VTA1: variants seen among roughly 807,000 people sequenced by gnomAD.
VTA1 encodes the protein vacuolar protein sorting-associated protein VTA1 homolog.
Under a neutral mutation model 36.9 loss-of-function variants are expected in VTA1, and 24 were observed. The observed-to-expected ratio is 0.65, with a 90% CI of 0.47 to 0.91. The LOEUF is 0.91. Among genes scored for constraint, VTA1 ranks in the 40% least tolerant of loss-of-function variants. The pLI, the probability that VTA1 is intolerant of heterozygous loss-of-function variation, is 0.00. For missense variants in VTA1, 393 were observed against 377.2 expected (o/e 1.04, Z -0.35); for synonymous variants, 142 against 130.2 (o/e 1.09, Z -0.62).
At chr6:142,156,330 A>G (rs572888896) in intron 1 of VTA1, among the ~76,000 whole-genome samples, 44 of 152,350 alleles carry the variant, frequency 2.9e-4, no homozygotes, top group African/African-American at 9.9e-4. Context: ...AGTACAATCC[A>G]TGGCAAAAGA....
chr6:142,147,340 A>G lies in VTA1; in HGVS notation c.53A>G (p.Gln18Arg). Residue 18 changes from glutamine (Q) to arginine (R), a missense_variant, in exon 1 of 8, where the codon CAG (glutamine) becomes CGG (arginine). Coordinates refer to ENST00000367630, the MANE Select transcript of VTA1 (RefSeq NM_016485.5). ...PPLPAQFKSI[Q>R]HHLRTAQEHD... is the part of the protein sequence containing the mutation. The stretch of plus-strand genomic sequence containing the variant: ...CTCCCCGCACAGTTCAAGAGCATAC[A>G]GCATCATCTGAGGACGGCTCAGGAG... The G allele has an allele frequency of 1.2e-6, 2 of 1,614,222 alleles. No individual in the cohort carries two copies. The highest frequency in any genetic ancestry group is 1.7e-6 in the Non-Finnish European group (2 of 1,180,034).
chr6:142,207,500 C>G (rs2114682091), intron 7 of VTA1, among the ~76,000 whole-genome samples: 1 of 152,044 alleles, frequency 6.6e-6, no homozygotes, highest in South Asian at 2.1e-4. Flanking sequence ...AGGCACAAAC[C>G]CCTACCTAGC....
rs1468460484 is a variant in VTA1 at position 142,221,056 on chromosome 6, C to A, written c.*2413C>A. ...CCAGCCTTCTGAGTTTTAAGAGACACTTAAGGTGGTCCCTAAAGTTCGAGT... is the reference window on the plus strand; with the variant it reads ...CCAGCCTTCTGAGTTTTAAGAGACAATTAAGGTGGTCCCTAAAGTTCGAGT... On this transcript the variant is annotated 3_prime_UTR_variant, in exon 8 of 8. Transcript: ENST00000367630. 6.6e-6 allele frequency: 1 copy of A among 152,168 alleles called. No homozygotes were observed. The highest frequency in any genetic ancestry group is 1.9e-4 in the East Asian group (1 of 5,188). The allele number at this position is 152,168 out of a possible 1,614,324, so 9.4% of individuals were successfully genotyped here.
At position 142,204,037 on chromosome 6, in the gene VTA1, T is replaced by A. The variant is rs146075455; in HGVS notation, c.750T>A (p.Asp250Glu). 24 of 1,613,526 alleles carry A rather than the reference T, an allele frequency of 1.5e-5. No individual in the cohort carries two copies. The highest frequency in any genetic ancestry group is 1.9e-5 in the Non-Finnish European group (23 of 1,179,706). The change falls in exon 7 of 8, where the codon GAT (aspartate) becomes GAA (glutamate). Residue 250 changes from aspartate (D) to glutamate (E), a missense_variant. Coordinates refer to ENST00000367630, the MANE Select transcript of VTA1 (RefSeq NM_016485.5). Reference sequence around the variant, plus strand: ...CTCCACAGACTATACCTGCCATTGATCCCGCACTTTTCAATACAATTTCCC... The same window carrying A: ...CTCCACAGACTATACCTGCCATTGAACCCGCACTTTTCAATACAATTTCCC... ...QPTPQTIPAI[D>E]PALFNTISQG... is the part of the protein sequence containing the mutation.
At chr6:142,198,742 A>T in intron 6 of VTA1, 127 bp downstream of exon 6, 1 of 838,296 alleles carries the variant, frequency 1.2e-6, no homozygotes, top group East Asian at 2.8e-5. Context: ...TTCCATTTGA[A>T]CCCACAAGAA....
At chr6:142,181,194 C>T (rs1410393263) in intron 4 of VTA1, among the ~76,000 whole-genome samples, 1 of 139,386 alleles carries the variant, frequency 7.2e-6, no homozygotes, top group Non-Finnish European at 1.5e-5. Flanking sequence ...AGTGCAGTGG[C>T]GCGATCTCAC....
chr6:142,200,434 A>T (rs1204361679), intron 6 of VTA1, among the ~76,000 whole-genome samples: 1 of 151,968 alleles, frequency 6.6e-6, no homozygotes, highest in African/African-American at 2.4e-5. Flanking sequence ...TTATAGAAAG[A>T]CTGTCCAAGG....
chr6:142,211,171 A>T (rs1775895788), intron 7 of VTA1, among the ~76,000 whole-genome samples: 1 of 152,072 alleles, frequency 6.6e-6, no homozygotes, highest in Non-Finnish European at 1.5e-5. Flanking sequence ...CAGGAAGGAA[A>T]GGGGGAAGGA....
intron 4 of VTA1, among the ~76,000 whole-genome samples, chr6:142,176,595 T>C (rs946819275): frequency 6.6e-6 from 1 of 150,740 alleles, no homozygotes; most frequent in African/African-American, 2.5e-5. Flanking sequence ...GTGATAAAGG[T>C]TCAGCCTTTT....
At chr6:142,181,388 CTCCTGAAGTGCTGGGAT>C (rs1775235775) in intron 4 of VTA1, among the ~76,000 whole-genome samples, 1 of 148,188 alleles carries the variant, frequency 6.7e-6, no homozygotes, top group Non-Finnish European at 1.5e-5. Context: ...CTTCCTCGGC[CTCCTGAAGTGCTGGGAT>C]TACAGGCATA....
At chr6:142,171,779 T>C (rs1274608342) in intron 4 of VTA1, among the ~76,000 whole-genome samples, 2 of 152,216 alleles carry the variant, frequency 1.3e-5, no homozygotes, top group African/African-American at 4.8e-5. Flanking sequence ...ATGTTTTTTT[T>C]GTGATTAAAC....
chr6:142,165,440 CA>C (rs1284816245), intron 1 of VTA1, among the ~76,000 whole-genome samples: 1 of 152,160 alleles, frequency 6.6e-6, no homozygotes, highest in Non-Finnish European at 1.5e-5. Context: ...AATCTTCATT[CA>C]AAAACTTCGT....
intron 7 of VTA1, among the ~76,000 whole-genome samples, chr6:142,216,934 A>G (rs1248530498): frequency 1.3e-5 from 2 of 152,322 alleles, no homozygotes; most frequent in African/African-American, 4.8e-5. Flanking sequence ...GGTAAACTCA[A>G]TTTTCAAAGA....
At chr6:142,209,518 A>G (rs758834168) in intron 7 of VTA1, among the ~76,000 whole-genome samples, 1 of 151,198 alleles carries the variant, frequency 6.6e-6, no homozygotes, top group African/African-American at 2.4e-5. Flanking sequence ...ATAACTAACT[A>G]TAATATTCCA....
chr6:142,164,075 GC>G (rs1172096979), intron 1 of VTA1, among the ~76,000 whole-genome samples: 1 of 152,094 alleles, frequency 6.6e-6, no homozygotes, highest in East Asian at 1.9e-4. Context: ...GGGAATATGA[GC>G]CACCTGGCAT....
At chr6:142,166,151 G>A (rs1443027517) in intron 1 of VTA1, 77 bp from the exon 2 acceptor site, 4 of 865,702 alleles carry the variant, frequency 4.6e-6, no homozygotes, top group Admixed American at 5.6e-5. Context: ...TTATTTATTA[G>A]CAATTATATT....
chr6:142,202,475 A>T (rs868731739), intron 6 of VTA1, among the ~76,000 whole-genome samples: 2 of 152,132 alleles, frequency 1.3e-5, no homozygotes, highest in Middle Eastern at 3.4e-3. Context: ...CATGCAGAGA[A>T]TGGGACACTA....
At chr6:142,162,819 TGAA>T (rs1372747334) in intron 1 of VTA1, among the ~76,000 whole-genome samples, 1 of 152,104 alleles carries the variant, frequency 6.6e-6, no homozygotes, top group Admixed American at 6.5e-5. Flanking sequence ...CTGATCATAA[TGAA>T]GAAGTAGTAA....
intron 6 of VTA1, 68 bp from the exon 7 acceptor site, chr6:142,203,917 G>A: frequency 7.7e-7 from 1 of 1,292,688 alleles, no homozygotes; most frequent in Non-Finnish European, 1.1e-6. Flanking sequence ...TGATTTTTAA[G>A]TGCTGCCCTG....
Sources: allele counts gnomAD v4.1 joint callset (sites outside exome capture counted in the v4.1 genomes callset), GRCh38; gene constraint gnomAD v4.1.1; transcripts MANE v1.5; gene names NCBI Gene and HGNC (gene_info 2026-07-23, HGNC 2026-07-21).